Variants in RYR1 observed in about 807,000 individuals in gnomAD.
The protein encoded by RYR1 is ryanodine receptor 1.
RYR1 carries 342 observed loss-of-function variants against 583.5 expected under a neutral mutation model. That is an observed-to-expected ratio of 0.59 (90% CI 0.54 to 0.64). The LOEUF is 0.64. Among genes scored for constraint, RYR1 ranks in the 30% least tolerant of loss-of-function variants. The probability of loss-of-function intolerance (pLI) is 0.00; values close to 1 mark genes in which losing one functional copy is unlikely to be tolerated. For missense variants in RYR1, 6,032 were observed against 6,917.2 expected, an observed-to-expected ratio of 0.87 and a Z score of 4.54; for synonymous variants, 2,791 against 2,822.5, an observed-to-expected ratio of 0.99 and a Z score of 0.35.
At position 38,457,487 on chromosome 19, in the gene RYR1, T is replaced by C; in HGVS notation, c.1792-10T>C. On this transcript the variant is annotated splice_polypyrimidine_tract_variant and intron_variant, in intron 16 of 105. Coordinates refer to ENST00000359596, the MANE Select transcript of RYR1 (RefSeq NM_000540.3). ...CTACACACCCTTTAACCTCTGACCTTGACCTCTAGGTCCTGGACGTGCTAT... is the reference window on the plus strand; with the variant it reads ...CTACACACCCTTTAACCTCTGACCTCGACCTCTAGGTCCTGGACGTGCTAT... 2 of 1,614,120 alleles carry C rather than the reference T, an allele frequency of 1.2e-6. No homozygotes were observed. The highest frequency in any genetic ancestry group is 1.7e-6 in the Non-Finnish European group (2 of 1,180,000).
intron 84 of RYR1, among the ~76,000 whole-genome samples, chr19:38,538,176 T>C (rs1256319292): frequency 6.6e-6 from 1 of 151,978 alleles, no homozygotes; most frequent in Non-Finnish European, 1.5e-5. Context: ...GGCTGGTGGA[T>C]CTCCTGAGGT....
chr19:38,472,565 G>C (rs540262484), intron 27 of RYR1, among the ~76,000 whole-genome samples: 1 of 152,196 alleles, frequency 6.6e-6, no homozygotes, highest in East Asian at 1.9e-4. Flanking sequence ...AAATCTAGGG[G>C]GGAAAGCAAG....
Position 38,446,730 on chromosome 19 carries a change from T to A in RYR1, c.762T>A (p.His254Gln), listed in dbSNP as rs1479598053. Residue 254 changes from histidine to glutamine, a missense_variant, in exon 9 of 106, where the codon CAT (histidine) becomes CAA (glutamine). By Grantham distance (24) the His-to-Gln change is conservative. Transcript: ENST00000359596. ...ATGAGGGGGGAGCTGTGTGCACTCA[T>A]GCCCGCTCCCTCTGGAGGCTGGAGC... ...VYYEGGAVCT[H>Q]ARSLWRLEPL... The A allele has an allele frequency of 1.2e-6, 2 of 1,613,890 alleles. No homozygotes were observed. Among genetic ancestry groups the A allele is most frequent in the African/African-American group, 1.3e-5 (1 of 75,014 alleles).
At chr19:38,538,356 C>T (rs1825245013) in intron 84 of RYR1, among the ~76,000 whole-genome samples, 1 of 152,110 alleles carries the variant, frequency 6.6e-6, no homozygotes, top group African/African-American at 2.4e-5. Context: ...GCCAAGATCG[C>T]ACCATTGCAC....
In RYR1 at chr19:38,458,300, A is replaced by G; in HGVS notation, c.2167+8A>G. 6.2e-7 allele frequency: 1 copy of G among 1,612,400 alleles called. No individual in the cohort carries two copies. The highest frequency in any genetic ancestry group is 8.5e-7 in the Non-Finnish European group (1 of 1,179,112). ...GACTGCATCTCTGGACAGGTACCTG[A>G]CCCCTTCCAGGGGACCCTCACCCCT... On this transcript the variant is annotated splice_region_variant and intron_variant, in intron 18 of 105. Transcript: ENST00000359596.
chr19:38,511,539 C>G (rs376474052), intron 60 of RYR1, 22 bp from the exon 61 acceptor site: 1 of 1,613,528 alleles, frequency 6.2e-7, no homozygotes, highest in South Asian at 1.1e-5. Flanking sequence ...CTCCTGCCTT[C>G]TGTCCCTTTC....
rs185037638 is a variant in RYR1, at chr19:38,498,830, G to A, written c.6892-278G>A. ...TACTGCAGCCTATTTTATCAGCAAG[G>A]ACTTTATGACCTGTATCTTGTGCCA... On this transcript the variant is annotated intron_variant, in intron 42 of 105. Coordinates refer to ENST00000359596, the MANE Select transcript of RYR1 (RefSeq NM_000540.3). 5.3e-4 allele frequency among the ~76,000 whole-genome samples: 81 copies of A among 152,276 alleles called. 1 individual carries two copies. The highest frequency in any genetic ancestry group is 1.9e-3 in the African/African-American group (79 of 41,536).
chr19:38,480,450 A>T (rs901683474), intron 31 of RYR1, among the ~76,000 whole-genome samples: 5 of 152,044 alleles, frequency 3.3e-5, no homozygotes, highest in Non-Finnish European at 5.9e-5. Flanking sequence ...GGCTTGTTTC[A>T]TCTTTTTATA....
At chr19:38,580,252 G>C (rs1176622765) in intron 100 of RYR1, 118 bp from the exon 101 acceptor site, 1 of 1,589,232 alleles carries the variant, frequency 6.3e-7, no homozygotes, top group Admixed American at 1.7e-5. Flanking sequence ...TGAGCCGGGG[G>C]TGTGTGGGGC....
In RYR1 at chr19:38,442,351, T is replaced by C. The variant is rs1266378538; in HGVS notation, c.168T>C (p.Asn56=). ...CTTACATCCCCCTCCCACCCCAGAA[T>C]GTGCCCCCCGATCTGGCCATCTGTT... The part of the protein sequence containing the change: ...CFLEPTSNAQ[N]VPPDLAICCF... The change falls in exon 3 of 106, where the codon AAT becomes AAC. Residue 56 remains asparagine, a splice_region_variant and synonymous_variant. Coordinates refer to ENST00000359596, the MANE Select transcript of RYR1 (RefSeq NM_000540.3). 2 of 1,559,860 alleles carry C rather than the reference T, an allele frequency of 1.3e-6. No individual in the cohort carries two copies. The highest frequency in any genetic ancestry group is 3.3e-5 in the Admixed American group (2 of 59,706).
rs1966917113 is a variant in RYR1 at position 38,448,645 on chromosome 19, G to A, written c.958-4G>A. On this transcript the variant is annotated splice_polypyrimidine_tract_variant and splice_region_variant and intron_variant, in intron 10 of 105. Transcript: ENST00000359596. Reference sequence around the variant, plus strand: ...AGGCTGACCTGTGTCCCCTGCCCCTGTAGGAGAAGCTGGATGTGGCCCCCA... The same window carrying A: ...AGGCTGACCTGTGTCCCCTGCCCCTATAGGAGAAGCTGGATGTGGCCCCCA... The A allele has an allele frequency of 1.2e-6, 2 of 1,614,108 alleles. No individual in the cohort carries two copies. The highest frequency in any genetic ancestry group is 2.2e-5 in the East Asian group (1 of 44,902).
rs867952723 is a variant in RYR1, at chr19:38,435,879, A to G, written c.45+2005A>G. On this transcript the variant is annotated intron_variant, in intron 1 of 105. Coordinates refer to ENST00000359596, the MANE Select transcript of RYR1 (RefSeq NM_000540.3). ...ACCTGCAATAAATTTTACCCAGTTTATGTGTTCAATGAGTTGTTTTGTTTT... is the reference window on the plus strand; with the variant it reads ...ACCTGCAATAAATTTTACCCAGTTTGTGTGTTCAATGAGTTGTTTTGTTTT... Among the ~76,000 whole-genome samples, 8 of 152,130 alleles carry G rather than the reference A, an allele frequency of 5.3e-5. 1 individual carries two copies. The South Asian group carries it at 1.5e-3, about 28-fold the overall frequency.
chr19:38,526,179 G>C (rs898250459), intron 71 of RYR1, among the ~76,000 whole-genome samples: 2 of 151,956 alleles, frequency 1.3e-5, no homozygotes, highest in African/African-American at 4.8e-5. Context: ...CCGGGCTGTA[G>C]AACCTCTTAA....
intron 101 of RYR1, among the ~76,000 whole-genome samples, chr19:38,584,567 C>T (rs1974375868): frequency 1.7e-5 from 1 of 58,398 alleles, no homozygotes; most frequent in Non-Finnish European, 3.5e-5. Context: ...GCCCTGACCC[C>T]TCTGCCTGTG....
In RYR1 at chr19:38,587,421, C is replaced by T; in HGVS notation, c.*1C>T. 1 of 1,612,516 alleles carries T rather than the reference C, an allele frequency of 6.2e-7. No homozygotes were observed. The highest frequency in any genetic ancestry group is 8.5e-7 in the Non-Finnish European group (1 of 1,178,626). On this transcript the variant is annotated 3_prime_UTR_variant, in exon 106 of 106. Coordinates refer to ENST00000359596, the MANE Select transcript of RYR1 (RefSeq NM_000540.3). ...GCAGTATGAGGACCAGCTTAGCTGA[C>T]ACACCCCCAGCTGGCCCTCCACCCC...
chr19:38,585,465 T>C (rs904039928), intron 102 of RYR1, among the ~76,000 whole-genome samples: 82 of 148,168 alleles, frequency 5.5e-4, no homozygotes, highest in Middle Eastern at 3.5e-3. Context: ...TGTGTGTCTA[T>C]ATATATATAT....
intron 21 of RYR1, 37 bp downstream of exon 21, chr19:38,463,564 G>T: frequency 6.3e-7 from 1 of 1,589,132 alleles, no homozygotes; most frequent in Non-Finnish European, 8.6e-7. Flanking sequence ...AGGCCGGCTA[G>T]ACTTGCGGTG....
intron 96 of RYR1, 40 bp downstream of exon 96, chr19:38,573,347 G>T: frequency 6.2e-7 from 1 of 1,606,680 alleles, no homozygotes. Flanking sequence ...CAGCAGGAGG[G>T]GACCTGGGTT....
chr19:38,445,339 C>T (rs956115478), intron 7 of RYR1, among the ~76,000 whole-genome samples: 5 of 151,240 alleles, frequency 3.3e-5, no homozygotes, highest in East Asian at 1.9e-4. Context: ...CAAACCAAGA[C>T]TCCAATCTTC....
Sources: allele counts gnomAD v4.1 joint callset (sites outside exome capture counted in the v4.1 genomes callset), GRCh38; gene constraint gnomAD v4.1.1; transcripts MANE v1.5; gene names NCBI Gene and HGNC (gene_info 2026-07-23, HGNC 2026-07-21).